Variants in CD300C observed in about 807,000 individuals in gnomAD.
The protein encoded by CD300C is CD300c molecule, also known as CMRF35-like molecule 6.
CD300C carries 11 observed loss-of-function variants against 18.4 expected under a neutral mutation model. That is an observed-to-expected ratio of 0.60 (90% CI 0.38 to 0.99). CD300C has a LOEUF of 0.99. CD300C is among the 50% of genes least tolerant of loss of function. The probability of loss-of-function intolerance (pLI) is 0.01; values close to 1 mark genes in which losing one functional copy is unlikely to be tolerated. For missense variants in CD300C, 277 were observed against 287.4 expected (o/e 0.96, Z 0.26); for synonymous variants, 116 against 116.3 (o/e 1.00, Z 0.02).
chr17:74,545,552 G>A (rs1197322275), intron 1 of CD300C, among the ~76,000 whole-genome samples, 170 bp downstream of exon 1: 2 of 152,158 alleles, frequency 1.3e-5, no homozygotes, highest in Non-Finnish European at 1.5e-5. Flanking sequence ...GTGCCCTGCC[G>A]CCTGCTGTCC....
chr17:74,543,642 A>T (rs1908640220), intron 2 of CD300C, among the ~76,000 whole-genome samples: 1 of 152,162 alleles, frequency 6.6e-6, no homozygotes. Flanking sequence ...CCTAGATAGG[A>T]AGGCACAAAG....
chr17:74,542,014 T>G (rs1049378407), intron 3 of CD300C, among the ~76,000 whole-genome samples: 2 of 152,162 alleles, frequency 1.3e-5, no homozygotes, highest in African/African-American at 4.8e-5. Context: ...CGCAGCTGTC[T>G]ACCTCTGTGC....
chr17:74,544,588 CTGAGA>C lies in CD300C; in HGVS notation c.400+16_400+20del, dbSNP rs1908680706. The C allele has an allele frequency of 6.3e-7, 1 of 1,597,624 alleles. No homozygotes were observed. Among genetic ancestry groups the C allele is most frequent in the Non-Finnish European group, 8.6e-7 (1 of 1,169,248 alleles). ...GCCCTAGGCTCAGGCAGGCCTGGTG[CTGAGA>C]AAAGGAGGGGCTCACCCGGGAACAC... On this transcript the variant is annotated intron_variant, in intron 2 of 3. Transcript: ENST00000330793.
At chr17:74,545,015 GC>G in intron 1 of CD300C, 68 bp from the exon 2 acceptor site, 2 of 1,410,708 alleles carry the variant, frequency 1.4e-6, no homozygotes, top group Non-Finnish European at 1.9e-6. Context: ...CGCAGTGTCA[GC>G]CCCTCATGGA....
chr17:74,536,549 AAAG>A (rs1345340049), downstream of CD300C, among the ~76,000 whole-genome samples: 1 of 151,570 alleles, frequency 6.6e-6, no homozygotes, highest in Non-Finnish European at 1.5e-5. Context: ...AAAAAAAAAA[AAAG>A]AACACAGACA....
At chr17:74,536,150 T>A (rs114243288), downstream of CD300C, among the ~76,000 whole-genome samples, 504 of 152,312 alleles carry the variant, frequency 3.3e-3, 2 homozygotes, top group Middle Eastern at 0.01. Flanking sequence ...CATAATTGGT[T>A]AAGCAAGATG....
In CD300C at chr17:74,545,851, A is replaced by C. The variant is rs1908743578; in HGVS notation, c.-69T>G. The C allele has an allele frequency of 8.3e-7, 1 of 1,203,892 alleles. No homozygotes were observed. The highest frequency in any genetic ancestry group is 1.2e-6 in the Non-Finnish European group (1 of 831,622). 74.6% of individuals were successfully genotyped at this position (1,203,892 alleles called of 1,614,324 possible). A position where few individuals can be genotyped will look rare whatever the true frequency, so the allele number is the denominator to read the frequency against. Reference sequence around the variant, plus strand: ...AGGGGACAAAATGTAATCTCCTCCCAGCAGATCTGAGCTTCGCTTCTGCTT... The same window carrying C: ...AGGGGACAAAATGTAATCTCCTCCCCGCAGATCTGAGCTTCGCTTCTGCTT... On this transcript the variant is annotated 5_prime_UTR_variant, in exon 1 of 4. Coordinates refer to ENST00000330793, the MANE Select transcript of CD300C (RefSeq NM_006678.5).
At chr17:74,542,167 T>C (rs1908574794) in intron 3 of CD300C, among the ~76,000 whole-genome samples, 1 of 152,056 alleles carries the variant, frequency 6.6e-6, no homozygotes, top group Admixed American at 6.5e-5. Flanking sequence ...CTACCCGGAG[T>C]CTCCAATAAT....
downstream of CD300C, among the ~76,000 whole-genome samples, chr17:74,540,528 G>T (rs1024970214): frequency 1.3e-5 from 2 of 152,000 alleles, no homozygotes; most frequent in Non-Finnish European, 2.9e-5. Context: ...AGCATCTGCC[G>T]AATGGAAAAA....
At chr17:74,545,512 G>A (rs955968491) in intron 1 of CD300C, among the ~76,000 whole-genome samples, 2 of 152,066 alleles carry the variant, frequency 1.3e-5, no homozygotes, top group African/African-American at 4.8e-5. Context: ...TTCCTGTCTC[G>A]GGCACAGAGG....
downstream of CD300C, among the ~76,000 whole-genome samples, chr17:74,539,347 G>A (rs540187261): frequency 1.3e-5 from 2 of 152,134 alleles, no homozygotes; most frequent in South Asian, 2.1e-4. Flanking sequence ...TGGGACTGTC[G>A]CCAGCCCAAT....
chr17:74,540,593 T>A (rs150716745), downstream of CD300C, among the ~76,000 whole-genome samples: 866 of 152,248 alleles, frequency 5.7e-3, 9 homozygotes, highest in African/African-American at 0.02. Context: ...CTCATGGGAA[T>A]CATCTGCCTC....
At chr17:74,542,418 C>T (rs73359950) in intron 3 of CD300C, among the ~76,000 whole-genome samples, 15,759 of 152,144 alleles carry the variant, frequency 0.1, 2,263 homozygotes, top group African/African-American at 0.33. Context: ...ACCCTTCTTC[C>T]TCCAGACCCC....
At chr17:74,545,037 G>T in intron 1 of CD300C, 90 bp from the exon 2 acceptor site, 1 of 1,245,340 alleles carries the variant, frequency 8.0e-7, no homozygotes, top group Non-Finnish European at 1.1e-6. Context: ...CCCTGGGCGT[G>T]TGGAGAAGGC....
downstream of CD300C, among the ~76,000 whole-genome samples, chr17:74,539,663 C>A (rs569902139): frequency 3.7e-4 from 56 of 152,314 alleles, no homozygotes; most frequent in African/African-American, 1.3e-3. Context: ...AGGTTCACCT[C>A]GGTGCTGCCA....
chr17:74,537,120 A>G (rs1908403704), downstream of CD300C, among the ~76,000 whole-genome samples: 1 of 151,510 alleles, frequency 6.6e-6, no homozygotes, highest in Admixed American at 6.6e-5. Context: ...GAAAGAGGAG[A>G]AAGGAGGGAC....
At chr17:74,542,121 G>A (rs1908573611) in intron 3 of CD300C, among the ~76,000 whole-genome samples, 1 of 152,168 alleles carries the variant, frequency 6.6e-6, no homozygotes, top group South Asian at 2.1e-4. Flanking sequence ...AGGAGGGCAG[G>A]GACCATTTGT....
Position 74,545,988 on chromosome 17 carries a change from A to C in CD300C, c.-206T>G. The C allele has an allele frequency of 1.8e-6, 1 of 569,796 alleles. No homozygotes were observed. Among genetic ancestry groups the C allele is most frequent in the Non-Finnish European group, 3.2e-6 (1 of 315,428 alleles). 35.3% of individuals were successfully genotyped at this position (569,796 alleles called of 1,614,324 possible). A position where few individuals can be genotyped will look rare whatever the true frequency, so the allele number is the denominator to read the frequency against. ...CGCCTGGGCTGAGGCCGGTGCTGACAGCTCTGGGATGGTGCTAGTGGCTCC... is the reference window on the plus strand; with the variant it reads ...CGCCTGGGCTGAGGCCGGTGCTGACCGCTCTGGGATGGTGCTAGTGGCTCC... On this transcript the variant is annotated 5_prime_UTR_variant, in exon 1 of 4. Coordinates refer to ENST00000330793, the MANE Select transcript of CD300C (RefSeq NM_006678.5).
At position 74,541,348 on chromosome 17, in the gene CD300C, C is replaced by T. The variant is rs574803789; in HGVS notation, c.*241G>A. The T allele has an allele frequency of 6.9e-5, 31 of 448,352 alleles. No homozygotes were observed. The highest frequency in any genetic ancestry group is 3.2e-4 in the East Asian group (8 of 24,832). The allele number at this position is 448,352 out of a possible 1,614,324, so 27.8% of individuals were successfully genotyped here. On this transcript the variant is annotated 3_prime_UTR_variant, in exon 4 of 4. Coordinates refer to ENST00000330793, the MANE Select transcript of CD300C (RefSeq NM_006678.5). ...TCCGGGCACTCAGAGGTATTGCTGACGGCCCGAGGCTTAGCTGGCCGGGGC... is the reference window on the plus strand; with the variant it reads ...TCCGGGCACTCAGAGGTATTGCTGATGGCCCGAGGCTTAGCTGGCCGGGGC...
Sources: allele counts gnomAD v4.1 joint callset (sites outside exome capture counted in the v4.1 genomes callset), GRCh38; gene constraint gnomAD v4.1.1; transcripts MANE v1.5; gene names NCBI Gene and HGNC (gene_info 2026-07-23, HGNC 2026-07-21).